CLIC1: variants seen among roughly 807,000 people sequenced by gnomAD.
CLIC1 encodes CLIC family member 1.
In CLIC1, 16 loss-of-function variants were observed where a neutral mutation model predicts 26.4. The observed-to-expected ratio is 0.61, with a 90% CI of 0.41 to 0.92. The LOEUF (loss-of-function observed/expected upper bound fraction) is 0.92. Ranked by LOEUF, CLIC1 falls within the 40% of genes least tolerant of loss-of-function variation. The pLI is 0.00. For synonymous variants in CLIC1, 98 were observed against 120.8 expected (o/e 0.81, Z 1.24); for missense variants, 225 against 289.7 (o/e 0.78, Z 1.62).
intron 5 of CLIC1, among the ~76,000 whole-genome samples, chr6:31,731,423 T>A (rs1197254744): frequency 6.6e-6 from 1 of 152,078 alleles, no homozygotes; most frequent in African/African-American, 2.4e-5. Context: ...TGCCTCAGCC[T>A]CCCAAATAGC....
In CLIC1 at chr6:31,736,287, T is replaced by C. The variant is rs773358765; in HGVS notation, c.14A>G (p.Gln5Arg). ...CTTCACGAACAATTCGACCTGCGGT[T>C]GTTCTTCAGCCATGGTTGCGTCGGG... is the stretch of plus-strand genomic sequence containing the variant. The change falls in exon 1 of 6, where the codon CAA (glutamine) becomes CGA (arginine). Residue 5 changes from glutamine (Q) to arginine (R), a missense_variant. Transcript: ENST00000375784. The surrounding 1 kb of genome is among the most constrained non-coding windows in gnomAD (Gnocchi z 5.0). 1 of 1,612,418 alleles carries C rather than the reference T, an allele frequency of 6.2e-7. No homozygotes were observed. The highest frequency in any genetic ancestry group is 1.7e-5 in the Admixed American group (1 of 59,980).
chr6:31,736,976 C>CA (rs151115972), upstream of CLIC1: 1,202 of 985,380 alleles, frequency 1.2e-3, 72 homozygotes, highest in East Asian at 0.12. The surrounding 1 kb of genome is among the most constrained non-coding windows in gnomAD (Gnocchi z 5.0). Flanking sequence ...GCCATGCAGC[C>CA]TGGGATTAGG....
chr6:31,735,218 A>G (rs1011175226), intron 1 of CLIC1, among the ~76,000 whole-genome samples: 2 of 151,624 alleles, frequency 1.3e-5, no homozygotes, highest in Admixed American at 1.3e-4. Flanking sequence ...GGAAGGGGAA[A>G]GAAAGGCGGC....
In CLIC1 at chr6:31,732,556, T is replaced by C. The variant is rs1397679353; in HGVS notation, c.383-158A>G. 6.6e-6 allele frequency among the ~76,000 whole-genome samples: 1 copy of C among 152,136 alleles called. No homozygotes were observed. The highest frequency in any genetic ancestry group is 2.4e-5 in the African/African-American group (1 of 41,440). On this transcript the variant is annotated intron_variant, in intron 4 of 5. Coordinates refer to ENST00000375784, the Ensembl canonical transcript of CLIC1. This position sits in a 1 kb window ranked among gnomAD's most constrained non-coding sequence, Gnocchi z 5.0. ...GTTATTCTAAGCACTTTACATTTTA[T>C]TTTATGTTAGACGGAGTCTTGCTCC...
Position 31,733,684 on chromosome 6 carries a change from T to C in CLIC1, c.276-12A>G. ...CCAGCTTGGGGTACCTGAAAGCCAA[T>C]GGGAAAAATGAGGTAAGATGTCTTC... On this transcript the variant is annotated splice_polypyrimidine_tract_variant and intron_variant, in intron 3 of 5. Coordinates refer to ENST00000375784, the Ensembl canonical transcript of CLIC1. This position sits in a 1 kb window ranked among gnomAD's most constrained non-coding sequence, Gnocchi z 5.4. The C allele has an allele frequency of 6.2e-7, 1 of 1,612,688 alleles. No homozygotes were observed. The highest frequency in any genetic ancestry group is 1.3e-5 in the African/African-American group (1 of 75,004).
rs1040945972 is a variant in CLIC1 at position 31,734,749 on chromosome 6, G to A, written c.40-486C>T. Among the ~76,000 whole-genome samples, 1 of 152,166 alleles carries A rather than the reference G, an allele frequency of 6.6e-6. No homozygotes were observed. Among genetic ancestry groups the A allele is most frequent in the Non-Finnish European group, 1.5e-5 (1 of 68,022 alleles). On this transcript the variant is annotated intron_variant, in intron 1 of 5. Coordinates refer to ENST00000375784, the Ensembl canonical transcript of CLIC1. The surrounding 1 kb of genome is among the most constrained non-coding windows in gnomAD (Gnocchi z 5.3). ...GGGCCCTGGGCCTCGCGCTAGAGAT[G>A]TGGAGGGCCCTACAGAGAGGGGCTG...
In CLIC1 at chr6:31,733,610, T is replaced by G; in HGVS notation, c.338A>C (p.Lys113Thr). 1 of 1,613,074 alleles carries G rather than the reference T, an allele frequency of 6.2e-7. No individual in the cohort carries two copies. The highest frequency in any genetic ancestry group is 8.5e-7 in the Non-Finnish European group (1 of 1,180,022). The change falls in exon 4 of 6, where the codon AAA becomes ACA. Residue 113 changes from lysine to threonine, a missense_variant. Transcript: ENST00000375784. This position sits in a 1 kb window ranked among gnomAD's most constrained non-coding sequence, Gnocchi z 5.4. ...TGAATTCTTGATGTAGGCAGAAAAT[T>G]TGGCAAATATGTCCAGCCCAGCTGT...
In CLIC1 at chr6:31,732,831, CA is replaced by C. The variant is rs147388467; in HGVS notation, c.383-434del. On this transcript the variant is annotated intron_variant, in intron 4 of 5. Transcript: ENST00000375784. This position sits in a 1 kb window ranked among gnomAD's most constrained non-coding sequence, Gnocchi z 5.0. ...GTGAACACTTTACATTTTACAAACT[CA>C]TTTATATCGCCGGGTGCAGTGGCTC... Among the ~76,000 whole-genome samples, 3,252 of 151,254 alleles carry C rather than the reference CA, an allele frequency of 0.022. 192 individuals carry two copies. Among genetic ancestry groups the C allele is most frequent in the Admixed American group, 0.12 (1,856 of 15,204 alleles).
At position 31,736,247 on chromosome 6, in the gene CLIC1, G is replaced by C; in HGVS notation, c.39+15C>G. On this transcript the variant is annotated intron_variant, in intron 1 of 5. Transcript: ENST00000375784. The surrounding 1 kb of genome is among the most constrained non-coding windows in gnomAD (Gnocchi z 5.0). ...TTCCAGGAATTTGGGTGGCTGAGGA[G>C]AGAAGTGTTCTTACCTTCACGAACA... 2 of 1,612,768 alleles carry C rather than the reference G, an allele frequency of 1.2e-6. No individual in the cohort carries two copies. The highest frequency in any genetic ancestry group is 1.1e-5 in the South Asian group (1 of 91,078).
Position 31,732,234 on chromosome 6 carries a change from T to C in CLIC1, c.547A>G (p.Lys183Glu). Residue 183 changes from lysine (K) to glutamate (E), a missense_variant, in exon 5 of 6, where the codon AAG becomes GAG. Coordinates refer to ENST00000375784, the Ensembl canonical transcript of CLIC1. The surrounding 1 kb of genome is among the most constrained non-coding windows in gnomAD (Gnocchi z 5.0). ...CCACACACCTGTACTATGTGTAACT[T>C]TGGCAACAGGTTGCAGTCAGCCAGG... 2 of 1,562,048 alleles carry C rather than the reference T, an allele frequency of 1.3e-6. No homozygotes were observed. Among genetic ancestry groups the C allele is most frequent in the Non-Finnish European group, 1.7e-6 (2 of 1,154,246 alleles).
chr6:31,734,356 CTG>C lies in CLIC1; in HGVS notation c.40-95_40-94del, dbSNP rs538098551. ...TTCCCACTCCCAGACCAGCTGTTTT[CTG>C]CCTAGTCATGACACATACACTGTCC... On this transcript the variant is annotated intron_variant, in intron 1 of 5. Coordinates refer to ENST00000375784, the Ensembl canonical transcript of CLIC1. The surrounding 1 kb of genome is among the most constrained non-coding windows in gnomAD (Gnocchi z 5.3). 1.1e-4 allele frequency: 108 copies of C among 952,266 alleles called. No individual in the cohort carries two copies. The East Asian group carries it at 2.6e-3, about 23-fold the overall frequency. 59.0% of individuals were successfully genotyped at this position (952,266 alleles called of 1,614,324 possible). A position where few individuals can be genotyped will look rare whatever the true frequency, so the allele number is the denominator to read the frequency against.
Position 31,734,115 on chromosome 6 carries a change from G to A in CLIC1, c.149+39C>T, listed in dbSNP as rs368078159. The A allele has an allele frequency of 5.0e-5, 79 of 1,589,630 alleles. No individual in the cohort carries two copies. Among genetic ancestry groups the A allele is most frequent in the Middle Eastern group, 1.7e-4 (1 of 6,044 alleles). On this transcript the variant is annotated intron_variant, in intron 2 of 5. Coordinates refer to ENST00000375784, the Ensembl canonical transcript of CLIC1. This position sits in a 1 kb window ranked among gnomAD's most constrained non-coding sequence, Gnocchi z 5.3. ...GGTGGGTGTGTGTTTGCACACATGT[G>A]TACACCAGGGGTGTTTCAAGGAACA...
Position 31,734,120 on chromosome 6 carries a change from C to G in CLIC1, c.149+34G>C. 6.3e-7 allele frequency: 1 copy of G among 1,594,840 alleles called. No homozygotes were observed. Among genetic ancestry groups the G allele is most frequent in the Non-Finnish European group, 8.6e-7 (1 of 1,162,568 alleles). On this transcript the variant is annotated intron_variant, in intron 2 of 5. Transcript: ENST00000375784. This position sits in a 1 kb window ranked among gnomAD's most constrained non-coding sequence, Gnocchi z 5.3. ...GTGTGTGTTTGCACACATGTGTACA[C>G]CAGGGGTGTTTCAAGGAACATAAGC...
upstream of CLIC1, chr6:31,737,068 G>A (rs1808375902): frequency 7.8e-6 from 3 of 386,552 alleles, no homozygotes; most frequent in African/African-American, 2.2e-5. Context: ...TACTGTCTCC[G>A]GGCCCAGCTC....
rs1386759626 is a variant in CLIC1 at position 31,734,141 on chromosome 6, T to A, written c.149+13A>T. ...TACACCAGGGGTGTTTCAAGGAACA[T>A]AAGCAGGCCTACCTTTTGGTGTCAA... On this transcript the variant is annotated intron_variant, in intron 2 of 5. Transcript: ENST00000375784. This position sits in a 1 kb window ranked among gnomAD's most constrained non-coding sequence, Gnocchi z 5.3. The A allele has an allele frequency of 6.2e-7, 1 of 1,608,312 alleles. No homozygotes were observed.
intron 1 of CLIC1, among the ~76,000 whole-genome samples, chr6:31,735,807 CCACACACACA>C (rs9281564): frequency 2.4e-4 from 30 of 124,980 alleles, no homozygotes; most frequent in Admixed American, 9.0e-4. Flanking sequence ...GCGTCTCCAT[CCACACACACA>C]CACACACACA....
At chr6:31,735,589 T>A (rs1808273374) in intron 1 of CLIC1, among the ~76,000 whole-genome samples, 2 of 152,076 alleles carry the variant, frequency 1.3e-5, no homozygotes. Flanking sequence ...CCCATCCTTG[T>A]GGTAGCTACG....
chr6:31,731,770 T>C (rs1425899665), intron 5 of CLIC1, among the ~76,000 whole-genome samples: 1 of 152,240 alleles, frequency 6.6e-6, no homozygotes, highest in Non-Finnish European at 1.5e-5. Context: ...CAGGCCCATG[T>C]TGCACAAACT....
intron 1 of CLIC1, among the ~76,000 whole-genome samples, chr6:31,735,850 C>CACACACACACACA (rs1808298031): frequency 6.8e-6 from 1 of 148,112 alleles, no homozygotes; most frequent in African/African-American, 2.5e-5. Flanking sequence ...CACACACACA[C>CACACACACACACA]CTCTCCTACT....
Sources: allele counts gnomAD v4.1 joint callset (sites outside exome capture counted in the v4.1 genomes callset), GRCh38; gene constraint gnomAD v4.1.1; non-coding constraint Gnocchi (gnomAD v3.1); transcripts MANE v1.5; gene names NCBI Gene and HGNC (gene_info 2026-07-23, HGNC 2026-07-21).